Variants in PTPRD observed in about 807,000 individuals in gnomAD.
PTPRD encodes the protein protein tyrosine phosphatase receptor type D.
Under a neutral mutation model 214.5 loss-of-function variants are expected in PTPRD, and 34 were observed. The ratio of observed to expected loss-of-function variants is 0.16; its 90% confidence interval spans 0.12 to 0.21. The LOEUF (loss-of-function observed/expected upper bound fraction) is 0.21. Among genes scored for constraint, PTPRD ranks in the 10% least tolerant of loss-of-function variants. The pLI, the probability that PTPRD is intolerant of heterozygous loss-of-function variation, is 1.00. For synonymous variants in PTPRD, 1,128 were observed against 845.7 expected, an observed-to-expected ratio of 1.33 and a Z score of -5.79; for missense variants, 2,545 against 2,398.7, an observed-to-expected ratio of 1.06 and a Z score of -1.27.
chr9:8,437,375 G>T, intron 34 of PTPRD: 1 of 666,014 alleles, frequency 1.5e-6, no homozygotes, highest in Non-Finnish European at 2.5e-6. Flanking sequence ...ACTATACATT[G>T]TGGCTAGTAC....
At chr9:9,160,804 A>T (rs1428747191) in intron 10 of PTPRD, among the ~76,000 whole-genome samples, 2 of 152,206 alleles carry the variant, frequency 1.3e-5, no homozygotes, top group African/African-American at 4.8e-5. Flanking sequence ...ATAATAGATT[A>T]AACCAATGTT....
At chr9:8,378,081 G>A (rs2083802961) in intron 37 of PTPRD, among the ~76,000 whole-genome samples, 3 of 152,010 alleles carry the variant, frequency 2.0e-5, no homozygotes, top group Non-Finnish European at 2.9e-5. Context: ...TTTCAACTTT[G>A]AGACCACACA....
intron 9 of PTPRD, among the ~76,000 whole-genome samples, chr9:9,227,863 C>A (rs774919588): frequency 6.6e-6 from 1 of 152,080 alleles, no homozygotes; most frequent in Non-Finnish European, 1.5e-5. Context: ...TTGATTGCAG[C>A]CTAATGAGGG....
intron 12 of PTPRD, among the ~76,000 whole-genome samples, chr9:8,699,804 T>C (rs1334075464): frequency 6.6e-6 from 1 of 151,286 alleles, no homozygotes; most frequent in Non-Finnish European, 1.5e-5. Context: ...TCATACTCCA[T>C]GGTAATATTT....
At chr9:10,078,450 A>T (rs1011240888) in intron 3 of PTPRD, among the ~76,000 whole-genome samples, 1 of 141,290 alleles carries the variant, frequency 7.1e-6, no homozygotes, top group Non-Finnish European at 1.5e-5. Flanking sequence ...TGGGAGGTGG[A>T]GCTCGTAGTG....
At chr9:10,231,337 A>T (rs1266583784) in intron 3 of PTPRD, among the ~76,000 whole-genome samples, 2 of 120,828 alleles carry the variant, frequency 1.7e-5, no homozygotes, top group Non-Finnish European at 3.4e-5. Context: ...GAGAACAAAG[A>T]AAAAAAAAAT....
chr9:8,655,015 C>G (rs541616337), intron 12 of PTPRD, among the ~76,000 whole-genome samples: 1 of 152,150 alleles, frequency 6.6e-6, no homozygotes, highest in African/African-American at 2.4e-5. Context: ...AATAGGAATT[C>G]ATTCAAGATT....
At chr9:9,810,824 AGT>A (rs2046910216) in intron 5 of PTPRD, among the ~76,000 whole-genome samples, 1 of 151,880 alleles carries the variant, frequency 6.6e-6, no homozygotes. Flanking sequence ...TGCCATAGAT[AGT>A]GACTCTTCTG....
At chr9:9,162,308 C>T (rs2099891245) in intron 10 of PTPRD, among the ~76,000 whole-genome samples, 3 of 152,112 alleles carry the variant, frequency 2.0e-5, no homozygotes, top group Non-Finnish European at 2.9e-5. Flanking sequence ...CTTTCCATTA[C>T]CCAACTTAAT....
At chr9:8,838,078 TA>T (rs2097475822) in intron 11 of PTPRD, among the ~76,000 whole-genome samples, 1 of 152,116 alleles carries the variant, frequency 6.6e-6, no homozygotes, top group African/African-American at 2.4e-5. Context: ...GAAAAATCTC[TA>T]AGAAAATCTT....
At chr9:8,643,117 A>G (rs2096612932) in intron 12 of PTPRD, among the ~76,000 whole-genome samples, 1 of 152,158 alleles carries the variant, frequency 6.6e-6, no homozygotes. Context: ...TGTTTATGGT[A>G]TTTCTTTTTA....
intron 9 of PTPRD, among the ~76,000 whole-genome samples, chr9:9,236,169 C>A (rs1239900222): frequency 6.6e-6 from 1 of 152,048 alleles, no homozygotes; most frequent in Admixed American, 6.6e-5. Flanking sequence ...AGGAGAATTG[C>A]TTGAATCCAG....
chr9:8,839,959 T>A (rs2154533737), intron 11 of PTPRD, among the ~76,000 whole-genome samples: 1 of 152,176 alleles, frequency 6.6e-6, no homozygotes, highest in East Asian at 1.9e-4. Flanking sequence ...ATCACAAAAA[T>A]TACTCGAGTT....
intron 2 of PTPRD, among the ~76,000 whole-genome samples, chr9:10,454,811 A>G (rs1326975609): frequency 6.8e-6 from 1 of 146,068 alleles, no homozygotes; most frequent in Non-Finnish European, 1.5e-5. Context: ...AAAAATGTTT[A>G]CACACACACA....
intron 11 of PTPRD, among the ~76,000 whole-genome samples, chr9:8,887,240 C>T (rs148353161): frequency 1.3e-4 from 20 of 152,212 alleles, no homozygotes; most frequent in African/African-American, 2.9e-4. Flanking sequence ...GAGTATCTCA[C>T]GGCAGAGACC....
At chr9:9,239,805 G>A (rs2099969442) in intron 9 of PTPRD, among the ~76,000 whole-genome samples, 1 of 152,144 alleles carries the variant, frequency 6.6e-6, no homozygotes, top group Admixed American at 6.6e-5. Flanking sequence ...TATCTTCACA[G>A]CTGTCTGACC....
At chr9:8,658,162 A>G (rs2096952486) in intron 12 of PTPRD, among the ~76,000 whole-genome samples, 2 of 152,338 alleles carry the variant, frequency 1.3e-5, no homozygotes, top group Non-Finnish European at 2.9e-5. Flanking sequence ...CCTAATTACA[A>G]TAGCAGTGAA....
intron 4 of PTPRD, among the ~76,000 whole-genome samples, chr9:9,996,560 G>A (rs906942585): frequency 2.0e-5 from 3 of 152,184 alleles, no homozygotes; most frequent in Non-Finnish European, 4.4e-5. Flanking sequence ...AGCTGACCTT[G>A]AGCCTTTGTG....
chr9:8,834,353 CAT>C (rs2097366155), intron 11 of PTPRD, among the ~76,000 whole-genome samples: 1 of 152,060 alleles, frequency 6.6e-6, no homozygotes, highest in South Asian at 2.1e-4. Flanking sequence ...TGATGATTCA[CAT>C]GATAGTGTTT....
Sources: gnomAD v4.1 joint callset for allele counts (sites outside exome capture counted in the v4.1 genomes callset) on GRCh38, gnomAD v4.1.1 for gene constraint, MANE v1.5 for transcripts, NCBI Gene and HGNC (gene_info 2026-07-23, HGNC 2026-07-21) for gene names.